Variants in COL4A2 observed in about 807,000 individuals in gnomAD.
The protein encoded by COL4A2 is collagen type IV alpha 2 chain.
A neutral mutation model predicts 200.2 loss-of-function variants in COL4A2; 99 were observed. The observed-to-expected ratio is 0.49, with a 90% CI of 0.42 to 0.58. COL4A2 has a LOEUF of 0.58. Ranked by LOEUF, COL4A2 falls within the 20% of genes least tolerant of loss-of-function variation. The probability of loss-of-function intolerance (pLI) is 0.00; values close to 1 mark genes in which losing one functional copy is unlikely to be tolerated. For missense variants in COL4A2, 1,950 were observed against 2,314.1 expected (o/e 0.84, Z 3.23); for synonymous variants, 897 against 900.6 (o/e 1.00, Z 0.07).
intron 21 of COL4A2, chr13:110,457,798 A>T (rs1242151357): frequency 1.2e-5 from 6 of 480,380 alleles, no homozygotes; most frequent in Non-Finnish European, 2.6e-5. Flanking sequence ...AGGCATTGTA[A>T]CAGAGGTCTG....
intron 4 of COL4A2, among the ~76,000 whole-genome samples, chr13:110,360,969 A>G (rs899746150): frequency 6.6e-6 from 1 of 152,240 alleles, no homozygotes; most frequent in Non-Finnish European, 1.5e-5. Context: ...TGTGTTAACA[A>G]TCAGCACACA....
chr13:110,487,296 A>G (rs1477150279), intron 34 of COL4A2, among the ~76,000 whole-genome samples: 3 of 152,332 alleles, frequency 2.0e-5, no homozygotes, highest in African/African-American at 7.2e-5. Flanking sequence ...TACCAAAAAT[A>G]TAAAAAATTA....
intron 4 of COL4A2, among the ~76,000 whole-genome samples, chr13:110,406,895 C>T (rs1050630228): frequency 6.6e-6 from 1 of 152,192 alleles, no homozygotes; most frequent in Non-Finnish European, 1.5e-5. Context: ...TTGAACCTTG[C>T]TGGCTGAAAG....
chr13:110,341,975 T>C lies in COL4A2; in HGVS notation c.100-15497T>C, dbSNP rs1029528703. On this transcript the variant is annotated intron_variant, in intron 3 of 47. Transcript: ENST00000360467. ...GAGCACTTTTGATACATAGGAGGAC[T>C]ACAAGCCTTGTTGCTTAGACAGGAC... is the stretch of plus-strand genomic sequence containing the variant. Among the ~76,000 whole-genome samples the C allele has an allele frequency of 3.3e-5, 5 of 152,358 alleles. 1 individual carries two copies. Among genetic ancestry groups the C allele is most frequent in the Admixed American group, 1.3e-4 (2 of 15,310 alleles).
chr13:110,467,658 G>A (rs1189009469), intron 27 of COL4A2, among the ~76,000 whole-genome samples: 1 of 152,184 alleles, frequency 6.6e-6, no homozygotes, highest in African/African-American at 2.4e-5. Context: ...TCCAGTGTTG[G>A]CGGTGCAGGC....
In COL4A2 at chr13:110,458,933, A is replaced by G. The variant is rs768623075; in HGVS notation, c.1595A>G (p.Lys532Arg). 6.4e-7 allele frequency: 1 copy of G among 1,557,772 alleles called. No homozygotes were observed. The highest frequency in any genetic ancestry group is 2.0e-5 in the Admixed American group (1 of 50,318). The change falls in exon 22 of 48, where the codon AAG becomes AGG. Residue 532 changes from lysine (K) to arginine (R), a missense_variant and splice_region_variant. By Grantham distance (26) the Lys-to-Arg change is conservative. Around this residue, in one of 2 missense-constraint regions of COL4A2, gnomAD observed 1,385 missense variants for 1,720.5 expected, o/e 0.80. Transcript: ENST00000360467. ...GGCCTCCCTGGGTTCCCAGGGCTCA[A>G]GGTGAGGAGCAATTTCATCATGAAG... ...QHGLPGFPGL[K>R]GVPGNIGAPG...
chr13:110,336,804 G>C (rs774723618), intron 3 of COL4A2, among the ~76,000 whole-genome samples: 1 of 152,184 alleles, frequency 6.6e-6, no homozygotes, highest in Non-Finnish European at 1.5e-5. Flanking sequence ...ATCAGCTTCT[G>C]GGAAGCCTCC....
At chr13:110,418,213 T>A (rs1238122044) in intron 4 of COL4A2, among the ~76,000 whole-genome samples, 4 of 152,230 alleles carry the variant, frequency 2.6e-5, no homozygotes, top group Non-Finnish European at 5.9e-5. Flanking sequence ...AATTTTGCAG[T>A]TGGATTGTTC....
chr13:110,506,329 G>T (rs891742296), intron 45 of COL4A2, 86 bp from the exon 46 acceptor site: 1 of 1,365,932 alleles, frequency 7.3e-7, no homozygotes, highest in Non-Finnish European at 1.0e-6. Context: ...CTCTCAGGCT[G>T]TAGGTGCACC....
chr13:110,366,973 A>G (rs1197794860), intron 4 of COL4A2, among the ~76,000 whole-genome samples: 1 of 152,184 alleles, frequency 6.6e-6, no homozygotes, highest in South Asian at 2.1e-4. Flanking sequence ...TCACCTGGGA[A>G]GCACAAAGCA....
chr13:110,404,320 A>G (rs58556553), intron 4 of COL4A2, among the ~76,000 whole-genome samples: 3,143 of 152,332 alleles, frequency 0.021, 48 homozygotes, highest in Middle Eastern at 0.075. Context: ...ACTCCTCTAC[A>G]ATACCAGACT....
At chr13:110,503,558 A>G (rs960814666) in intron 43 of COL4A2, 77 bp downstream of exon 43, 3 of 876,210 alleles carry the variant, frequency 3.4e-6, no homozygotes, top group Non-Finnish European at 5.3e-6. Flanking sequence ...CTGGAGGTCA[A>G]ACGGCCAGGA....
In COL4A2 at chr13:110,506,527, A is replaced by G. The variant is rs445348; in HGVS notation, c.4515A>G (p.Pro1505=). The change falls in exon 46 of 48, where the codon CCA becomes CCG. Residue 1505 remains proline, a synonymous_variant. Coordinates refer to ENST00000360467, the MANE Select transcript of COL4A2 (RefSeq NM_001846.4). ...HSQTDQEPMC[P]VGMNKLWSGY... ...AGACGGACCAGGAGCCCATGTGCCC[A>G]GTGGGCATGAACAAACTCTGGAGTG... 0.87 allele frequency: 1,403,950 copies of G among 1,612,360 alleles called. 615,302 individuals are homozygous for G. The highest frequency in any genetic ancestry group is 0.92 in the Middle Eastern group (5,558 of 6,058).
rs534176403 is a variant in COL4A2 at position 110,482,438 on chromosome 13, G to C, written c.2759-78G>C. The C allele has an allele frequency of 2.0e-6, 3 of 1,485,086 alleles. No homozygotes were observed. In the South Asian group the frequency reaches 3.5e-5, roughly 17 times the overall value. The allele number at this position is 1,485,086 out of a possible 1,614,324, so 92.0% of individuals were successfully genotyped here. A position where few individuals can be genotyped will look rare whatever the true frequency, so the allele number is the denominator to read the frequency against. ...CTCACTTGAGTTACATTGCCGAAAT[G>C]TTACGGAGACGTGAGACTGAAATGT... On this transcript the variant is annotated intron_variant, in intron 31 of 47. Coordinates refer to ENST00000360467, the MANE Select transcript of COL4A2 (RefSeq NM_001846.4).
chr13:110,389,976 A>C (rs1238772214), intron 4 of COL4A2, among the ~76,000 whole-genome samples: 1 of 152,242 alleles, frequency 6.6e-6, no homozygotes, highest in African/African-American at 2.4e-5. Flanking sequence ...CATTTGACCA[A>C]GTATAGTACA....
chr13:110,493,186 A>C (rs748211206), intron 38 of COL4A2, 25 bp from the exon 39 acceptor site: 3 of 1,613,362 alleles, frequency 1.9e-6, no homozygotes, highest in Non-Finnish European at 2.5e-6. Context: ...GGTGAAATAA[A>C]TAACGATGAG....
chr13:110,409,214 C>T (rs1254836866), intron 4 of COL4A2, among the ~76,000 whole-genome samples: 4 of 152,136 alleles, frequency 2.6e-5, no homozygotes, highest in Non-Finnish European at 4.4e-5. Flanking sequence ...CACATATACA[C>T]ACATTCTTGC....
chr13:110,325,452 T>G (rs146920557), intron 3 of COL4A2, among the ~76,000 whole-genome samples: 1 of 152,260 alleles, frequency 6.6e-6, no homozygotes, highest in East Asian at 1.9e-4. Context: ...TTTGGAAAAT[T>G]CCATGAAAGA....
In COL4A2 at chr13:110,381,624, G is replaced by A. The variant is rs552900823; in HGVS notation, c.180+24072G>A. Among the ~76,000 whole-genome samples the A allele has an allele frequency of 2.6e-5, 4 of 152,268 alleles. No individual in the cohort carries two copies. The East Asian group carries it at 7.7e-4, about 29-fold the overall frequency. ...GCCTCAAGGACAGGTCAGAAAAGGAGCCTCAGGTCAACAATGTGTTCTCGA... is the reference window on the plus strand; with the variant it reads ...GCCTCAAGGACAGGTCAGAAAAGGAACCTCAGGTCAACAATGTGTTCTCGA... On this transcript the variant is annotated intron_variant, in intron 4 of 47. Coordinates refer to ENST00000360467, the MANE Select transcript of COL4A2 (RefSeq NM_001846.4).
Sources: gnomAD v4.1 joint callset for allele counts (sites outside exome capture counted in the v4.1 genomes callset) on GRCh38, gnomAD v4.1.1 for gene constraint, gnomAD v4.1.1 regional missense constraint, MANE v1.5 for transcripts, NCBI Gene and HGNC (gene_info 2026-07-23, HGNC 2026-07-21) for gene names.